LARP4B: variants seen among roughly 807,000 people sequenced by gnomAD.
LARP4B encodes the protein La ribonucleoprotein 4B.
In LARP4B, 12 loss-of-function variants were observed where a neutral mutation model predicts 89.8. That is an observed-to-expected ratio of 0.13 (90% CI 0.09 to 0.22). The LOEUF (loss-of-function observed/expected upper bound fraction) is 0.22, where lower values mean the gene tolerates loss of function less well. LARP4B is among the 10% of genes least tolerant of loss of function. The pLI, the probability that LARP4B is intolerant of heterozygous loss-of-function variation, is 1.00. For missense variants in LARP4B, 757 were observed against 947.7 expected (o/e 0.80, Z 2.64); for synonymous variants, 367 against 363.3 (o/e 1.01, Z -0.12).
chr10:913,018 G>A (rs1439824438), intron 1 of LARP4B, among the ~76,000 whole-genome samples: 2 of 152,182 alleles, frequency 1.3e-5, no homozygotes, highest in Non-Finnish European at 2.9e-5. Flanking sequence ...AGTTTACAGA[G>A]CAAACCTTCC....
chr10:862,536 A>G (rs1469694652), intron 5 of LARP4B, among the ~76,000 whole-genome samples: 2 of 152,188 alleles, frequency 1.3e-5, no homozygotes, highest in Non-Finnish European at 2.9e-5. Flanking sequence ...CGAGGCGGGC[A>G]GATCACAAGG....
the LARP4B span, among the ~76,000 whole-genome samples, chr10:973,316 A>G: frequency 6.6e-6 from 1 of 151,900 alleles, no homozygotes; most frequent in South Asian, 2.1e-4. Flanking sequence ...ACAACCATTC[A>G]GTTCTCACTT....
the LARP4B span, among the ~76,000 whole-genome samples, chr10:945,332 G>A: frequency 4.0e-5 from 6 of 150,664 alleles, no homozygotes; most frequent in Admixed American, 1.3e-4. Context: ...TGCAGTGAAC[G>A]GAGATCACAC....
At chr10:962,997 G>A in the LARP4B span, among the ~76,000 whole-genome samples, 1,377 of 152,254 alleles carry the variant, frequency 9.0e-3, 26 homozygotes, top group African/African-American at 0.031. Context: ...ACCTACAGAA[G>A]CTGAGGTGGT....
rs1739378922 is a variant in LARP4B, at chr10:811,922, G to C, written c.*1004C>G. 1 of 152,260 alleles carries C rather than the reference G, an allele frequency of 6.6e-6. No homozygotes were observed. The highest frequency in any genetic ancestry group is 1.5e-5 in the Non-Finnish European group (1 of 68,024). The allele number at this position is 152,260 out of a possible 1,614,324, so 9.4% of individuals were successfully genotyped here. On this transcript the variant is annotated 3_prime_UTR_variant, in exon 18 of 18. Transcript: ENST00000316157. ...CCCTCGTCTTGGAGGTAAAAGAGCA[G>C]GAACTTTATCCTCCACCAGCCAAAG...
At chr10:858,058 T>A (rs895988093) in intron 5 of LARP4B, among the ~76,000 whole-genome samples, 1 of 152,096 alleles carries the variant, frequency 6.6e-6, no homozygotes, top group Non-Finnish European at 1.5e-5. Context: ...AGAGCAAAAA[T>A]CTGACCTGAA....
At chr10:856,322 A>G (rs952604590) in intron 5 of LARP4B, among the ~76,000 whole-genome samples, 8 of 152,214 alleles carry the variant, frequency 5.3e-5, no homozygotes, top group Non-Finnish European at 8.8e-5. Context: ...ACAACACCAA[A>G]TAAGATATAT....
intron 1 of LARP4B, among the ~76,000 whole-genome samples, chr10:926,422 G>T (rs575855568): frequency 2.0e-5 from 3 of 152,150 alleles, no homozygotes; most frequent in Non-Finnish European, 4.4e-5. Flanking sequence ...TGGCTACAAC[G>T]TTTGCAACAC....
chr10:813,221 C>T lies in LARP4B; in HGVS notation c.1930-8G>A. 6.2e-7 allele frequency: 1 copy of T among 1,603,048 alleles called. No individual in the cohort carries two copies. Among genetic ancestry groups the T allele is most frequent in the Non-Finnish European group, 8.5e-7 (1 of 1,175,302 alleles). On this transcript the variant is annotated splice_region_variant and splice_polypyrimidine_tract_variant and intron_variant, in intron 17 of 17. Coordinates refer to ENST00000316157, the MANE Select transcript of LARP4B (RefSeq NM_015155.3). ...GCTGGGCTTTCGCAATTCCTGGAAA[C>T]AGACAATCCTGGGTTACCTGTGTGA...
chr10:839,123 G>A (rs1833384529), intron 7 of LARP4B, among the ~76,000 whole-genome samples: 1 of 152,192 alleles, frequency 6.6e-6, no homozygotes, highest in Admixed American at 6.5e-5. Flanking sequence ...AGGGATGCAC[G>A]GGTGGAACTC....
At chr10:898,498 TA>T (rs1435936653) in intron 1 of LARP4B, among the ~76,000 whole-genome samples, 3 of 152,180 alleles carry the variant, frequency 2.0e-5, no homozygotes, top group African/African-American at 7.2e-5. Context: ...AATAATAAAC[TA>T]CTAGGTTAAG....
chr10:845,089 G>T, intron 5 of LARP4B, 34 bp from the exon 6 acceptor site: 3 of 1,534,694 alleles, frequency 2.0e-6, no homozygotes, highest in Non-Finnish European at 1.8e-6. Flanking sequence ...TAGGAAAACC[G>T]GCTTAAAATT....
At chr10:943,057 C>T in the LARP4B span, among the ~76,000 whole-genome samples, 1 of 151,780 alleles carries the variant, frequency 6.6e-6, no homozygotes, top group Non-Finnish European at 1.5e-5. Flanking sequence ...AGAGATTCTC[C>T]TGCCTTGGCC....
intron 1 of LARP4B, among the ~76,000 whole-genome samples, chr10:901,762 G>T (rs1354503922): frequency 6.6e-6 from 1 of 152,106 alleles, no homozygotes; most frequent in African/African-American, 2.4e-5. Flanking sequence ...TAAATTTCAA[G>T]ACTAATTTTG....
intron 1 of LARP4B, among the ~76,000 whole-genome samples, chr10:908,884 G>A (rs898505355): frequency 6.6e-6 from 1 of 152,184 alleles, no homozygotes; most frequent in Non-Finnish European, 1.5e-5. Flanking sequence ...CTTGCCAGGT[G>A]GTGAGGGGCC....
intron 3 of LARP4B, among the ~76,000 whole-genome samples, chr10:880,640 C>T (rs997974139): frequency 1.1e-4 from 17 of 151,710 alleles, no homozygotes; most frequent in Admixed American, 3.3e-4. Flanking sequence ...GAGCAGAGAT[C>T]GCACTACTGC....
chr10:877,462 T>G (rs1647279071), intron 3 of LARP4B, among the ~76,000 whole-genome samples: 2 of 152,218 alleles, frequency 1.3e-5, no homozygotes, highest in South Asian at 4.1e-4. Context: ...TGGTTTCTCT[T>G]TTTAAATGAA....
the LARP4B span, chr10:987,232 T>A: frequency 6.6e-6 from 1 of 152,144 alleles, no homozygotes; most frequent in Non-Finnish European, 1.5e-5. Flanking sequence ...CACAAAGATG[T>A]AGGAGGTATG....
intron 1 of LARP4B, among the ~76,000 whole-genome samples, chr10:916,379 T>G (rs1312885433): frequency 6.6e-6 from 1 of 152,180 alleles, no homozygotes; most frequent in Admixed American, 6.5e-5. Flanking sequence ...AGGGAATTCA[T>G]GGAAAATAAT....
Sources: allele counts gnomAD v4.1 joint callset (sites outside exome capture counted in the v4.1 genomes callset), GRCh38; gene constraint gnomAD v4.1.1; transcripts MANE v1.5; gene names NCBI Gene and HGNC (gene_info 2026-07-23, HGNC 2026-07-21).